CACNA2D1: variants seen among roughly 807,000 people sequenced by gnomAD.
CACNA2D1 encodes the protein calcium voltage-gated channel auxiliary subunit alpha2delta 1.
Under a neutral mutation model 171.5 loss-of-function variants are expected in CACNA2D1, and 53 were observed. The observed-to-expected ratio is 0.31, with a 90% CI of 0.25 to 0.39. The LOEUF (loss-of-function observed/expected upper bound fraction) is 0.39. Ranked by LOEUF, CACNA2D1 falls within the 10% of genes least tolerant of loss-of-function variation. CACNA2D1 has a pLI of 1.00. For synonymous variants in CACNA2D1, 442 were observed against 443.1 expected, an observed-to-expected ratio of 1.00 and a Z score of 0.03; for missense variants, 903 against 1,299.8, an observed-to-expected ratio of 0.69 and a Z score of 4.69.
Position 82,443,684 on chromosome 7 carries a change from T to A in CACNA2D1, c.-225A>T. 1 of 1,237,004 alleles carries A rather than the reference T, an allele frequency of 8.1e-7. No homozygotes were observed. The highest frequency in any genetic ancestry group is 1.0e-6 in the Non-Finnish European group (1 of 992,768). The allele number at this position is 1,237,004 out of a possible 1,614,324, so 76.6% of individuals were successfully genotyped here. On this transcript the variant is annotated 5_prime_UTR_variant, in exon 1 of 39. Coordinates refer to ENST00000356860, the MANE Select transcript of CACNA2D1 (RefSeq NM_000722.4). ...GGCGGACCCACTAGCGTGCGTCGGC[T>A]GCTCCGCGCCGCGGCCGCCTTGCCT...
chr7:82,059,242 A>G (rs1257164783), intron 10 of CACNA2D1, among the ~76,000 whole-genome samples: 3 of 152,158 alleles, frequency 2.0e-5, no homozygotes, highest in Non-Finnish European at 4.4e-5. Flanking sequence ...GAAAATGGCC[A>G]TGAAATATTT....
At position 82,061,283 on chromosome 7, in the gene CACNA2D1, C is replaced by T. The variant is rs117908850; in HGVS notation, c.780-756G>A. On this transcript the variant is annotated intron_variant, in intron 9 of 38. Coordinates refer to ENST00000356860, the MANE Select transcript of CACNA2D1 (RefSeq NM_000722.4). ...CAATTTGTTCTTCCCTCTCAACCTT[C>T]CTGTGCATTCAGGCAAAATCCCTTA... Among the ~76,000 whole-genome samples the T allele has an allele frequency of 5.9e-4, 90 of 152,266 alleles. No individual in the cohort carries two copies. The East Asian group carries it at 9.3e-3, about 16-fold the overall frequency.
chr7:82,152,530 T>TC (rs1257299122), intron 4 of CACNA2D1, among the ~76,000 whole-genome samples: 1 of 152,042 alleles, frequency 6.6e-6, no homozygotes, highest in African/African-American at 2.4e-5. Context: ...CCTGTGTTTT[T>TC]CTGTACTAAA....
At chr7:82,129,995 G>T (rs902647672) in intron 5 of CACNA2D1, among the ~76,000 whole-genome samples, 4 of 152,170 alleles carry the variant, frequency 2.6e-5, no homozygotes, top group Non-Finnish European at 4.4e-5. Flanking sequence ...ACTAAGGTTG[G>T]GATAGTAGGG....
intron 3 of CACNA2D1, among the ~76,000 whole-genome samples, chr7:82,323,560 G>A (rs541924099): frequency 2.0e-5 from 3 of 152,140 alleles, no homozygotes; most frequent in Admixed American, 6.5e-5. Context: ...AGGACCCCAT[G>A]TTTGGTTTCA....
intron 4 of CACNA2D1, among the ~76,000 whole-genome samples, chr7:82,160,137 A>G (rs1426417031): frequency 6.6e-6 from 1 of 151,948 alleles, no homozygotes; most frequent in East Asian, 2.0e-4. Flanking sequence ...CTGATTTCAG[A>G]CTTCCTACTA....
chr7:81,976,574 G>T (rs1205836555), intron 24 of CACNA2D1, among the ~76,000 whole-genome samples: 1 of 152,186 alleles, frequency 6.6e-6, no homozygotes, highest in African/African-American at 2.4e-5. Flanking sequence ...ATTGCTTGTG[G>T]CTGGGCACAG....
chr7:82,305,575 C>T (rs913160622), intron 3 of CACNA2D1, among the ~76,000 whole-genome samples: 16 of 152,238 alleles, frequency 1.1e-4, no homozygotes, highest in Admixed American at 7.2e-4. Flanking sequence ...CTACCTTTGC[C>T]CCTTTCTCTC....
At chr7:82,086,257 T>C (rs1485525993) in intron 6 of CACNA2D1, among the ~76,000 whole-genome samples, 1 of 152,204 alleles carries the variant, frequency 6.6e-6, no homozygotes, top group Non-Finnish European at 1.5e-5. Flanking sequence ...ACGGCCTATG[T>C]GTTTATATTT....
At chr7:82,411,895 T>TCACACACACACACACACA (rs5885295) in intron 1 of CACNA2D1, among the ~76,000 whole-genome samples, 1 of 144,790 alleles carries the variant, frequency 6.9e-6, no homozygotes, top group Admixed American at 6.9e-5. Flanking sequence ...AAACTAAATC[T>TCACACACACACACACACA]CACACACACA....
At chr7:82,160,208 A>T (rs1172464102) in intron 4 of CACNA2D1, among the ~76,000 whole-genome samples, 1 of 152,004 alleles carries the variant, frequency 6.6e-6, no homozygotes, top group African/African-American at 2.4e-5. Flanking sequence ...AAAATAATAC[A>T]TAATTAGCCA....
intron 3 of CACNA2D1, among the ~76,000 whole-genome samples, chr7:82,320,871 A>G (rs1815727581): frequency 6.8e-6 from 1 of 147,582 alleles, no homozygotes; most frequent in African/African-American, 2.5e-5. Context: ...AATAAATAAT[A>G]CATTCACAAA....
In CACNA2D1 at chr7:82,443,704, T is replaced by G; in HGVS notation, c.-245A>C. 1 of 1,235,816 alleles carries G rather than the reference T, an allele frequency of 8.1e-7. No individual in the cohort carries two copies. Among genetic ancestry groups the G allele is most frequent in the Non-Finnish European group, 1.0e-6 (1 of 991,898 alleles). 76.6% of individuals were successfully genotyped at this position (1,235,816 alleles called of 1,614,324 possible). On this transcript the variant is annotated 5_prime_UTR_variant, in exon 1 of 39. Transcript: ENST00000356860. ...TCGGCTGCTCCGCGCCGCGGCCGCC[T>G]TGCCTCCGCCGCCATCAAGGGCGAC... is the stretch of plus-strand genomic sequence containing the variant.
chr7:82,060,573 T>A, intron 9 of CACNA2D1, 46 bp from the exon 10 acceptor site: 1 of 1,093,254 alleles, frequency 9.1e-7, no homozygotes, highest in Non-Finnish European at 1.4e-6. Flanking sequence ...ATCATGTATT[T>A]AATCAAGAAC....
At chr7:82,433,499 A>G (rs528625713) in intron 1 of CACNA2D1, among the ~76,000 whole-genome samples, 2 of 152,326 alleles carry the variant, frequency 1.3e-5, no homozygotes, top group South Asian at 2.1e-4. Context: ...AATTAAAATT[A>G]TATCTATCCT....
At chr7:82,076,805 A>G (rs1809023629) in intron 7 of CACNA2D1, among the ~76,000 whole-genome samples, 1 of 152,164 alleles carries the variant, frequency 6.6e-6, no homozygotes, top group Non-Finnish European at 1.5e-5. Context: ...ATTCAATATT[A>G]CTTTTTCTAT....
chr7:82,206,978 T>G (rs1293810343), intron 3 of CACNA2D1, among the ~76,000 whole-genome samples: 1 of 152,182 alleles, frequency 6.6e-6, no homozygotes, highest in African/African-American at 2.4e-5. Context: ...TGAATGGAAT[T>G]TAAACATAGT....
intron 1 of CACNA2D1, among the ~76,000 whole-genome samples, chr7:82,419,156 T>C (rs1036715579): frequency 2.0e-5 from 3 of 151,182 alleles, no homozygotes; most frequent in Non-Finnish European, 1.5e-5. Context: ...AAGTAAAGCG[T>C]CACACTGTCA....
intron 3 of CACNA2D1, among the ~76,000 whole-genome samples, chr7:82,280,836 A>C (rs1810001613): frequency 1.3e-5 from 2 of 152,084 alleles, no homozygotes; most frequent in South Asian, 4.1e-4. Context: ...CACGTGCACC[A>C]GTGCCTGCCT....
Sources: gnomAD v4.1 joint callset for allele counts (sites outside exome capture counted in the v4.1 genomes callset) on GRCh38, gnomAD v4.1.1 for gene constraint, MANE v1.5 for transcripts, NCBI Gene and HGNC (gene_info 2026-07-23, HGNC 2026-07-21) for gene names.